The following LIPH variants were observed in gnomAD, a reference collection of about 807,000 sequenced individuals.
The protein encoded by LIPH is lipase member H.
Under a neutral mutation model 47.6 loss-of-function variants are expected in LIPH, and 32 were observed. That is an observed-to-expected ratio of 0.67 (90% CI 0.51 to 0.90). The LOEUF (loss-of-function observed/expected upper bound fraction) is 0.90, where lower values mean the gene tolerates loss of function less well. LIPH is among the 40% of genes least tolerant of loss of function. The pLI is 0.00. For synonymous variants in LIPH, 190 were observed against 195.6 expected (o/e 0.97, Z 0.24); for missense variants, 497 against 541.4 (o/e 0.92, Z 0.81).
intron 7 of LIPH, among the ~76,000 whole-genome samples, chr3:185,516,725 T>C (rs1421715700): frequency 1.3e-5 from 2 of 152,210 alleles, no homozygotes; most frequent in Admixed American, 6.5e-5. Context: ...AAGATCTTAG[T>C]GATTAGAATG....
At chr3:185,530,186 A>G (rs1442909872) in intron 3 of LIPH, among the ~76,000 whole-genome samples, 1 of 152,078 alleles carries the variant, frequency 6.6e-6, no homozygotes, top group Non-Finnish European at 1.5e-5. Context: ...TCAAAAATAA[A>G]TAAGTAAATA....
chr3:185,535,008 G>C lies in LIPH; in HGVS notation c.174C>G (p.Asn58Lys). The C allele has an allele frequency of 6.2e-7, 1 of 1,613,834 alleles. No homozygotes were observed. Among genetic ancestry groups the C allele is most frequent in the Non-Finnish European group, 8.5e-7 (1 of 1,179,860 alleles). ...RKNLTCAQTI[N>K]SSAFGNLNVT... ...CATTCAAGTTCCCAAAAGCTGAGGA[G>C]TTGATGGTTTGTGCGCAGGTCAGGT... Residue 58 changes from asparagine (N) to lysine (K), a missense_variant, in exon 2 of 10, where the codon AAC becomes AAG. Transcript: ENST00000296252.
chr3:185,545,478 T>C (rs957549302), intron 1 of LIPH, among the ~76,000 whole-genome samples: 1 of 152,224 alleles, frequency 6.6e-6, no homozygotes, highest in African/African-American at 2.4e-5. Context: ...CCACGGCTAC[T>C]TTCCTGCTCT....
intron 6 of LIPH, 45 bp downstream of exon 6, chr3:185,519,097 A>C (rs1256608133): frequency 6.5e-7 from 1 of 1,548,908 alleles, no homozygotes; most frequent in East Asian, 2.2e-5. Context: ...CATACCAAAA[A>C]TTAGTTCTTT....
At chr3:185,515,694 G>A (rs1371873349) in intron 7 of LIPH, among the ~76,000 whole-genome samples, 2 of 151,970 alleles carry the variant, frequency 1.3e-5, no homozygotes, top group East Asian at 3.9e-4. Flanking sequence ...TTTTGTTTTT[G>A]GGGTTTTTGT....
chr3:185,513,338 CAA>C lies in LIPH; in HGVS notation c.1094+1070_1094+1071del, dbSNP rs56090966. Among the ~76,000 whole-genome samples the C allele has an allele frequency of 6.1e-3, 675 of 109,770 alleles. 2 individuals carry two copies. Among genetic ancestry groups the C allele is most frequent in the African/African-American group, 0.019 (539 of 28,998 alleles). The allele number at this position is 109,770 out of a possible 152,430, so 72.0% of individuals were successfully genotyped here. A position where few individuals can be genotyped will look rare whatever the true frequency, so the allele number is the denominator to read the frequency against. ...CTGGTGACAGGGCAAGGCTCTGTCT[CAA>C]AAAAAAAAAAAAAAAGATGTAAATG... On this transcript the variant is annotated intron_variant, in intron 8 of 9. Coordinates refer to ENST00000296252, the MANE Select transcript of LIPH (RefSeq NM_139248.3).
At chr3:185,523,763 C>T (rs936155594) in intron 5 of LIPH, among the ~76,000 whole-genome samples, 1 of 150,454 alleles carries the variant, frequency 6.6e-6, no homozygotes, top group African/African-American at 2.4e-5. Flanking sequence ...ACTCTTGTTG[C>T]CCAGGCTGGA....
rs201236456 is a variant in LIPH, at chr3:185,534,924, A to G, written c.258T>C (p.Val86=). ...HGFRPTGSPP[V]WMDDLVKGLL... is the part of the protein sequence containing the mutation. ...AACCCTTTACTAAGTCATCCATCCA[A>G]ACAGGAGGGGAGCCTGTTGGCCTGA... is the stretch of plus-strand genomic sequence containing the variant. Residue 86 remains valine, a synonymous_variant, in exon 2 of 10, where the codon GTT becomes GTC. Transcript: ENST00000296252. The G allele has an allele frequency of 4.6e-5, 74 of 1,614,012 alleles. No individual in the cohort carries two copies. Among genetic ancestry groups the G allele is most frequent in the Non-Finnish European group, 5.9e-5 (70 of 1,179,872 alleles).
In LIPH at chr3:185,509,536, A is replaced by C. The variant is rs78825888; in HGVS notation, c.1269-659T>G. ...TCCCAGCTACTTCGGAGGCTGAAGC[A>C]GGAGAATTGCTTGAACCCAGGAGGT... is the stretch of plus-strand genomic sequence containing the variant. On this transcript the variant is annotated intron_variant, in intron 9 of 9. Transcript: ENST00000296252. Among the ~76,000 whole-genome samples the C allele has an allele frequency of 1.5e-4, 23 of 151,148 alleles. No individual in the cohort carries two copies. In the East Asian group the frequency reaches 4.4e-3, roughly 29 times the overall value.
intron 6 of LIPH, among the ~76,000 whole-genome samples, chr3:185,518,719 C>T (rs1719808884): frequency 6.6e-6 from 1 of 150,688 alleles, no homozygotes; most frequent in Non-Finnish European, 1.5e-5. Flanking sequence ...TAAATTTTAA[C>T]CTTTTATTTA....
chr3:185,509,669 G>T (rs12637120), intron 9 of LIPH, among the ~76,000 whole-genome samples: 1 of 152,198 alleles, frequency 6.6e-6, no homozygotes, highest in African/African-American at 2.4e-5. Flanking sequence ...TATTTACCAT[G>T]TAAGTTCAGC....
chr3:185,532,875 TG>T (rs1720376760), intron 3 of LIPH, among the ~76,000 whole-genome samples: 1 of 152,138 alleles, frequency 6.6e-6, no homozygotes, highest in African/African-American at 2.4e-5. Context: ...ACCTCCTAAA[TG>T]TAGTTTTAAT....
Position 185,535,050 on chromosome 3 carries a change from C to T in LIPH, c.132G>A (p.Met44Ile). The change falls in exon 2 of 10, where the codon ATG becomes ATA. Residue 44 changes from methionine to isoleucine, a missense_variant. Transcript: ENST00000296252. The stretch of plus-strand genomic sequence containing the variant: ...AGGTCAGGTTTTTCCTTGTGTAGAG[C>T]ATCAGCCTCACATTTAGTCCCGTAC... ...VVGTGLNVRL[M>I]LYTRKNLTCA... 6.2e-7 allele frequency: 1 copy of T among 1,613,864 alleles called. No homozygotes were observed. Among genetic ancestry groups the T allele is most frequent in the Non-Finnish European group, 8.5e-7 (1 of 1,179,884 alleles).
chr3:185,508,618 T>C lies in LIPH; in HGVS notation c.*172A>G. Reference sequence around the variant, plus strand: ...TAGGGGCTCCTTCCCAGGATCGTTTTATAATCACAAGGTTGTTTGATGTAC... The same window carrying C: ...TAGGGGCTCCTTCCCAGGATCGTTTCATAATCACAAGGTTGTTTGATGTAC... On this transcript the variant is annotated 3_prime_UTR_variant, in exon 10 of 10. Coordinates refer to ENST00000296252, the MANE Select transcript of LIPH (RefSeq NM_139248.3). 1 of 639,162 alleles carries C rather than the reference T, an allele frequency of 1.6e-6. No individual in the cohort carries two copies. The highest frequency in any genetic ancestry group is 2.8e-6 in the Non-Finnish European group (1 of 355,724). 39.6% of individuals were successfully genotyped at this position (639,162 alleles called of 1,614,324 possible). A position where few individuals can be genotyped will look rare whatever the true frequency, so the allele number is the denominator to read the frequency against.
chr3:185,514,113 G>A (rs999826387), intron 8 of LIPH, among the ~76,000 whole-genome samples: 1 of 151,894 alleles, frequency 6.6e-6, no homozygotes, highest in Non-Finnish European at 1.5e-5. Context: ...GAAGTAAGGA[G>A]GAGAGGAACA....
rs148130104 is a variant in LIPH, at chr3:185,519,217, C to T, written c.811G>A (p.Asp271Asn). The change falls in exon 6 of 10, where the codon GAC (aspartate) becomes AAC (asparagine). Residue 271 changes from aspartate (D) to asparagine (N), a missense_variant. Coordinates refer to ENST00000296252, the MANE Select transcript of LIPH (RefSeq NM_139248.3). ...CCATTCCTATAATCCTGGTAGGAGT[C>T]ACAGGGATACGCAGTGATGGTGCAG... ...ESCTITAYPC[D>N]SYQDYRNGKC... The T allele has an allele frequency of 7.4e-6, 12 of 1,612,118 alleles. No individual in the cohort carries two copies. Among genetic ancestry groups the T allele is most frequent in the Non-Finnish European group, 9.3e-6 (11 of 1,178,204 alleles).
intron 1 of LIPH, among the ~76,000 whole-genome samples, chr3:185,538,244 C>T (rs1720561583): frequency 6.6e-6 from 1 of 152,162 alleles, no homozygotes. Context: ...TATATTATCT[C>T]TCATCCTCAG....
At chr3:185,530,423 A>T (rs1166115528) in intron 3 of LIPH, among the ~76,000 whole-genome samples, 2 of 152,008 alleles carry the variant, frequency 1.3e-5, no homozygotes, top group Non-Finnish European at 2.9e-5. Context: ...GGTTGCAATA[A>T]GCCGAGATCG....
At chr3:185,544,777 C>T (rs574729439) in intron 1 of LIPH, among the ~76,000 whole-genome samples, 49 of 152,238 alleles carry the variant, frequency 3.2e-4, no homozygotes, top group Middle Eastern at 3.4e-3. Context: ...CTGTTCCACC[C>T]GTTGTATTCT....
Sources: gnomAD v4.1 joint callset for allele counts (sites outside exome capture counted in the v4.1 genomes callset) on GRCh38, gnomAD v4.1.1 for gene constraint, MANE v1.5 for transcripts, NCBI Gene and HGNC (gene_info 2026-07-23, HGNC 2026-07-21) for gene names.